The following RELCH variants were observed in gnomAD, a reference collection of about 807,000 sequenced individuals.
The protein encoded by RELCH is RAB11-binding protein RELCH.
RELCH carries 41 observed loss-of-function variants against 150.3 expected under a neutral mutation model. That is an observed-to-expected ratio of 0.27 (90% CI 0.21 to 0.35). The LOEUF is 0.35. Ranked by LOEUF, RELCH falls within the 10% of genes least tolerant of loss-of-function variation. The pLI is 1.00. For synonymous variants in RELCH, 478 were observed against 531.8 expected (o/e 0.90, Z 1.39); for missense variants, 1,092 against 1,467.8 (o/e 0.74, Z 4.18).
intron 20 of RELCH, among the ~76,000 whole-genome samples, chr18:62,273,457 C>T (rs556507623): frequency 3.6e-4 from 54 of 152,064 alleles, no homozygotes; most frequent in Non-Finnish European, 6.2e-4. Context: ...TTTTCTACAA[C>T]GGGGTAACTA....
chr18:62,285,201 C>A (rs1444050609), intron 25 of RELCH, among the ~76,000 whole-genome samples: 1 of 151,946 alleles, frequency 6.6e-6, no homozygotes, highest in Non-Finnish European at 1.5e-5. Context: ...ACAGTGATGC[C>A]ATCTCAGCTC....
At chr18:62,291,772 G>T in intron 27 of RELCH, 141 bp downstream of exon 27, 1 of 598,408 alleles carries the variant, frequency 1.7e-6, no homozygotes, top group African/African-American at 1.9e-5. Flanking sequence ...TTATTTACTA[G>T]ATGCGATATC....
intron 20 of RELCH, among the ~76,000 whole-genome samples, chr18:62,270,272 T>G (rs2043820457): frequency 6.6e-6 from 1 of 152,158 alleles, no homozygotes. Context: ...CTGCAGTCCC[T>G]TGCTAAATAA....
At chr18:62,251,760 T>C (rs1351896677) in intron 11 of RELCH, among the ~76,000 whole-genome samples, 1 of 152,160 alleles carries the variant, frequency 6.6e-6, no homozygotes, top group East Asian at 1.9e-4. Flanking sequence ...TCACTGGTTG[T>C]TTTAGTGTCT....
chr18:62,274,013 G>A lies in RELCH; in HGVS notation c.2794G>A (p.Glu932Lys), dbSNP rs759343103. The A allele has an allele frequency of 6.8e-6, 11 of 1,612,776 alleles. No individual in the cohort carries two copies. The African/African-American group carries it at 1.2e-4, about 18-fold the overall frequency. The stretch of plus-strand genomic sequence containing the variant: ...CCGAAAACTGTTAGTTGGATTCTTA[G>A]AAGATGTAATGACGCTGCTTTCATT... ...EDRKLLVGFL[E>K]DVMTLLSLSH... is the part of the protein sequence containing the mutation. Residue 932 changes from glutamate to lysine, a missense_variant, in exon 21 of 29, where the codon GAA (glutamate) becomes AAA (lysine). By Grantham distance (56) the Glu-to-Lys change is moderately conservative (BLOSUM62 1). Transcript: ENST00000644646.
intron 2 of RELCH, among the ~76,000 whole-genome samples, chr18:62,216,501 T>G (rs866261933): frequency 6.6e-6 from 1 of 152,108 alleles, no homozygotes; most frequent in Non-Finnish European, 1.5e-5. Context: ...GCTTTCTGAT[T>G]TGTAGGGAAA....
chr18:62,260,426 G>A (rs979309848), intron 15 of RELCH, among the ~76,000 whole-genome samples: 1 of 149,294 alleles, frequency 6.7e-6, no homozygotes, highest in Non-Finnish European at 1.5e-5. Flanking sequence ...GGGAACCTTC[G>A]TACACTGTTG....
At chr18:62,205,996 C>T (rs183808668) in intron 1 of RELCH, among the ~76,000 whole-genome samples, 1 of 152,192 alleles carries the variant, frequency 6.6e-6, no homozygotes, top group Non-Finnish European at 1.5e-5. Context: ...TGCACTCCAG[C>T]CTGGGCAACA....
intron 18 of RELCH, among the ~76,000 whole-genome samples, chr18:62,265,540 ATAAACACAT>A (rs1185356553): frequency 1.3e-5 from 2 of 152,118 alleles, no homozygotes; most frequent in Non-Finnish European, 2.9e-5. Flanking sequence ...TCAAATGTTA[ATAAACACAT>A]TTAAAAGGTA....
chr18:62,282,289 C>A lies in RELCH; in HGVS notation c.3115-17C>A. The A allele has an allele frequency of 6.2e-7, 1 of 1,606,022 alleles. No homozygotes were observed. The highest frequency in any genetic ancestry group is 1.1e-5 in the South Asian group (1 of 90,732). On this transcript the variant is annotated splice_polypyrimidine_tract_variant and intron_variant, in intron 24 of 28. Transcript: ENST00000644646. ...TTCAATATTCTATGAAATGACTGTACAATATCCAATTTTAAGTTGCTGGAA... is the reference window on the plus strand; with the variant it reads ...TTCAATATTCTATGAAATGACTGTAAAATATCCAATTTTAAGTTGCTGGAA...
chr18:62,228,556 C>A lies in RELCH; in HGVS notation c.1406C>A (p.Ser469Tyr), dbSNP rs772010787. The change falls in exon 8 of 29, where the codon TCT (serine) becomes TAT (tyrosine). Residue 469 changes from serine (S) to tyrosine (Y), a missense_variant. Physicochemically the swap from Ser to Tyr is moderately radical, Grantham distance 144. Transcript: ENST00000644646. ...RREREGMPPS[S>Y]LSSKKTVHFD... ...GAAAGAGAAGGAATGCCACCTTCTT[C>A]TCTATCAAGTAAAAAGACAGTTCAT... The A allele has an allele frequency of 6.2e-7, 1 of 1,612,414 alleles. No individual in the cohort carries two copies. Among genetic ancestry groups the A allele is most frequent in the African/African-American group, 1.3e-5 (1 of 74,886 alleles).
intron 13 of RELCH, among the ~76,000 whole-genome samples, chr18:62,256,553 TAGAATACTA>T (rs1158680844): frequency 6.6e-6 from 1 of 152,110 alleles, no homozygotes; most frequent in Non-Finnish European, 1.5e-5. Flanking sequence ...ACTCTGATCC[TAGAATACTA>T]AGCAGTATTA....
intron 22 of RELCH, among the ~76,000 whole-genome samples, chr18:62,279,135 G>A (rs1263869045): frequency 1.3e-5 from 2 of 152,128 alleles, no homozygotes; most frequent in African/African-American, 2.4e-5. Context: ...AAAATACTAT[G>A]TATCTAAGAC....
chr18:62,203,988 G>A (rs1325620384), intron 1 of RELCH, among the ~76,000 whole-genome samples: 1 of 151,872 alleles, frequency 6.6e-6, no homozygotes, highest in Non-Finnish European at 1.5e-5. Context: ...CAAAAAAACA[G>A]CAAGATATAA....
intron 2 of RELCH, among the ~76,000 whole-genome samples, chr18:62,212,488 A>G (rs2040230241): frequency 6.6e-6 from 1 of 152,272 alleles, no homozygotes; most frequent in East Asian, 1.9e-4. Flanking sequence ...GTTTTGACCA[A>G]CTCTGTTGAA....
At chr18:62,218,199 G>T (rs2040605331) in intron 2 of RELCH, among the ~76,000 whole-genome samples, 1 of 151,752 alleles carries the variant, frequency 6.6e-6, no homozygotes, top group African/African-American at 2.4e-5. Context: ...TCACCTTATA[G>T]TCAGGAAAAA....
intron 13 of RELCH, 123 bp downstream of exon 13, chr18:62,255,601 G>A (rs1400453874): frequency 2.8e-6 from 2 of 719,318 alleles, no homozygotes; most frequent in Non-Finnish European, 4.6e-6. Flanking sequence ...AAAGAAAAGA[G>A]ATGATCCAAA....
intron 26 of RELCH, among the ~76,000 whole-genome samples, chr18:62,289,271 T>G (rs11874427): frequency 0.021 from 3,187 of 152,310 alleles, 67 homozygotes; most frequent in Middle Eastern, 0.031. Context: ...AGTCAGAACT[T>G]GTACTTGAGT....
In RELCH at chr18:62,217,052, TA is replaced by T. The variant is rs372264391; in HGVS notation, c.617-3981del. On this transcript the variant is annotated intron_variant, in intron 2 of 28. Transcript: ENST00000644646. ...TTCTTGTTATTCGTCACCATGAAAT[TA>T]AAATAGGCTCAGAGAGGAAAAAAAG... Among the ~76,000 whole-genome samples the T allele has an allele frequency of 2.6e-4, 39 of 152,134 alleles. 4 individuals carry two copies. The highest frequency in any genetic ancestry group is 2.5e-3 in the South Asian group (12 of 4,824).
Sources: gnomAD v4.1 joint callset for allele counts (sites outside exome capture counted in the v4.1 genomes callset) on GRCh38, gnomAD v4.1.1 for gene constraint, MANE v1.5 for transcripts, NCBI Gene and HGNC (gene_info 2026-07-23, HGNC 2026-07-21) for gene names.